The following AGBL1 variants were observed in gnomAD, a reference collection of about 807,000 sequenced individuals.
The protein encoded by AGBL1 is cytosolic carboxypeptidase 4.
Under a neutral mutation model 118.9 loss-of-function variants are expected in AGBL1, and 130 were observed. That is an observed-to-expected ratio of 1.09 (90% confidence interval 0.95 to 1.26). AGBL1 has a LOEUF of 1.26. Among genes scored for constraint, AGBL1 ranks in the 50% most tolerant of loss-of-function variants. The pLI, the probability that AGBL1 is intolerant of heterozygous loss-of-function variation, is 0.00. For synonymous variants in AGBL1, 555 were observed against 478.9 expected, an observed-to-expected ratio of 1.16 and a Z score of -2.08; for missense variants, 1,584 against 1,298.1, an observed-to-expected ratio of 1.22 and a Z score of -3.38.
chr15:86,735,668 ATT>A (rs1555444835), intron 22 of AGBL1, among the ~76,000 whole-genome samples: 2 of 150,540 alleles, frequency 1.3e-5, no homozygotes, highest in South Asian at 2.1e-4. Context: ...ATATATATAT[ATT>A]TTATTTGTCT....
At chr15:86,723,259 G>A (rs1440026444) in intron 22 of AGBL1, among the ~76,000 whole-genome samples, 1 of 152,184 alleles carries the variant, frequency 6.6e-6, no homozygotes, top group Non-Finnish European at 1.5e-5. Flanking sequence ...CAACCCAAAT[G>A]TCCCAACAAT....
chr15:86,740,505 A>G (rs1161133508), intron 22 of AGBL1, among the ~76,000 whole-genome samples: 1 of 152,230 alleles, frequency 6.6e-6, no homozygotes, highest in Non-Finnish European at 1.5e-5. Context: ...TAGATTCAAG[A>G]TGATCCAAAA....
chr15:86,288,811 C>T (rs1365694521), intron 16 of AGBL1, among the ~76,000 whole-genome samples: 1 of 152,056 alleles, frequency 6.6e-6, no homozygotes, highest in Non-Finnish European at 1.5e-5. Flanking sequence ...ATCTCCCACT[C>T]CGAGAAGAAT....
chr15:86,413,683 G>A (rs930029854), intron 18 of AGBL1, among the ~76,000 whole-genome samples: 6 of 152,078 alleles, frequency 3.9e-5, no homozygotes, highest in Non-Finnish European at 8.8e-5. Context: ...TTTGAAAAAT[G>A]TCTATTCATA....
intron 17 of AGBL1, among the ~76,000 whole-genome samples, chr15:86,382,521 A>C (rs1269212427): frequency 1.3e-5 from 2 of 152,096 alleles, no homozygotes; most frequent in East Asian, 3.9e-4. Flanking sequence ...TCTAAAGGTG[A>C]ATACATTTAA....
chr15:86,896,410 A>T (rs1204888248), intron 22 of AGBL1, among the ~76,000 whole-genome samples: 1 of 151,532 alleles, frequency 6.6e-6, no homozygotes, highest in African/African-American at 2.4e-5. Context: ...AAAAAAAAAA[A>T]TACCTGCATG....
At chr15:86,750,585 A>T (rs777343624) in intron 22 of AGBL1, among the ~76,000 whole-genome samples, 1 of 152,128 alleles carries the variant, frequency 6.6e-6, no homozygotes, top group Non-Finnish European at 1.5e-5. Context: ...ACTGTAAATT[A>T]GGTATTAAGC....
intron 22 of AGBL1, among the ~76,000 whole-genome samples, chr15:86,831,304 G>A (rs1360922502): frequency 1.3e-5 from 2 of 152,134 alleles, no homozygotes; most frequent in African/African-American, 2.4e-5. Context: ...CAAAACCAAT[G>A]ATGCCTTCTC....
intron 1 of AGBL1, among the ~76,000 whole-genome samples, chr15:86,085,147 A>G (rs1895553182): frequency 6.6e-6 from 1 of 152,206 alleles, no homozygotes; most frequent in Admixed American, 6.5e-5. Context: ...GCCATGGTAA[A>G]GGTAAACATC....
Position 86,279,704 on chromosome 15 carries a change from C to A in AGBL1, c.2141C>A (p.Thr714Asn), listed in dbSNP as rs1489777606. 3 of 1,613,364 alleles carry A rather than the reference C, an allele frequency of 1.9e-6. No individual in the cohort carries two copies. Among genetic ancestry groups the A allele is most frequent in the Middle Eastern group, 1.6e-4 (1 of 6,078 alleles). ...TCTGGGAAGTGCTACTATACCCTCA[C>A]CTTTGCTGTCACCTTCCCACACAGT... ...GASGKCYYTL[T>N]FAVTFPHSED... Residue 714 changes from threonine to asparagine, a missense_variant, in exon 16 of 23, where the codon ACC (threonine) becomes AAC (asparagine). Thr to Asn is a moderately conservative substitution (Grantham distance 65, BLOSUM62 0). Transcript: ENST00000614907.
At chr15:86,243,658 C>T (rs1477369185) in intron 6 of AGBL1, among the ~76,000 whole-genome samples, 7 of 152,030 alleles carry the variant, frequency 4.6e-5, no homozygotes, top group African/African-American at 9.7e-5. Context: ...GGTGTTAATA[C>T]GAAAGACCCT....
At chr15:86,858,601 C>T (rs1180482396) in intron 22 of AGBL1, among the ~76,000 whole-genome samples, 1 of 152,162 alleles carries the variant, frequency 6.6e-6, no homozygotes, top group African/African-American at 2.4e-5. Context: ...CTGTTGTAAG[C>T]ACTGAGACAT....
At chr15:86,548,661 A>G (rs2083620352) in intron 20 of AGBL1, among the ~76,000 whole-genome samples, 1 of 105,984 alleles carries the variant, frequency 9.4e-6, no homozygotes, top group South Asian at 3.5e-4. Flanking sequence ...ACACACATGC[A>G]CGCACACACA....
At chr15:86,203,050 C>T (rs926253534) in intron 5 of AGBL1, among the ~76,000 whole-genome samples, 18 of 152,052 alleles carry the variant, frequency 1.2e-4, no homozygotes, top group African/African-American at 4.3e-4. Flanking sequence ...CACCACTGCA[C>T]TCCAGCCTGA....
rs539946664 is a variant in AGBL1 at position 86,849,819 on chromosome 15, G to T, written c.3159-57268G>T. ...GCTGGGTAGCATTCAGGACAGCAAGGTTCTCCTGCCTCAGCAACACTGTGC... is the reference window on the plus strand; with the variant it reads ...GCTGGGTAGCATTCAGGACAGCAAGTTTCTCCTGCCTCAGCAACACTGTGC... On this transcript the variant is annotated intron_variant, in intron 22 of 22. Transcript: ENST00000614907. 3.3e-5 allele frequency among the ~76,000 whole-genome samples: 5 copies of T among 152,284 alleles called. No individual in the cohort carries two copies. The South Asian group carries it at 6.2e-4, about 19-fold the overall frequency.
chr15:86,946,925 C>G (rs1003178814), intron 23 of AGBL1, among the ~76,000 whole-genome samples: 8 of 150,904 alleles, frequency 5.3e-5, no homozygotes, highest in African/African-American at 1.9e-4. Flanking sequence ...GGAATTGATT[C>G]ATCCCTTCGC....
intron 21 of AGBL1, among the ~76,000 whole-genome samples, chr15:86,603,109 C>T (rs1417011641): frequency 6.6e-6 from 1 of 152,150 alleles, no homozygotes. Flanking sequence ...CAATTTCTGG[C>T]ATCTCTCAGC....
intron 18 of AGBL1, among the ~76,000 whole-genome samples, chr15:86,501,520 C>G (rs959321000): frequency 1.3e-5 from 2 of 151,284 alleles, no homozygotes; most frequent in African/African-American, 2.4e-5. Context: ...GAAACCATAC[C>G]CTAACCCAGG....
At chr15:86,827,614 G>C (rs1236875789) in intron 22 of AGBL1, among the ~76,000 whole-genome samples, 1 of 140,480 alleles carries the variant, frequency 7.1e-6, no homozygotes, top group Middle Eastern at 3.3e-3. Flanking sequence ...CTGATGTGTA[G>C]AGCAATGGCT....
Sources: gnomAD v4.1 joint callset for allele counts (sites outside exome capture counted in the v4.1 genomes callset) on GRCh38, gnomAD v4.1.1 for gene constraint, MANE v1.5 for transcripts, NCBI Gene and HGNC (gene_info 2026-07-23, HGNC 2026-07-21) for gene names.